The following LRRC4C variants were observed in gnomAD, a reference collection of about 807,000 sequenced individuals.
LRRC4C encodes the protein leucine-rich repeat-containing protein 4C.
A neutral mutation model predicts 33.6 loss-of-function variants in LRRC4C; 5 were observed. The observed-to-expected ratio is 0.15, with a 90% CI of 0.08 to 0.31. LRRC4C has a LOEUF of 0.31. Among genes scored for constraint, LRRC4C ranks in the 10% least tolerant of loss-of-function variants. The pLI, the probability that LRRC4C is intolerant of heterozygous loss-of-function variation, is 1.00. For missense variants in LRRC4C, 560 were observed against 796.7 expected, an observed-to-expected ratio of 0.70 and a Z score of 3.58; for synonymous variants, 329 against 302.0, an observed-to-expected ratio of 1.09 and a Z score of -0.93.
chr11:40,697,060 C>T (rs141060820), intron 2 of LRRC4C, among the ~76,000 whole-genome samples: 17 of 152,102 alleles, frequency 1.1e-4, no homozygotes, highest in Non-Finnish European at 1.2e-4. Flanking sequence ...TGTTTTAGCT[C>T]CTTTTCATTA....
chr11:40,288,903 A>G (rs1391878181), intron 4 of LRRC4C, among the ~76,000 whole-genome samples: 1 of 152,206 alleles, frequency 6.6e-6, no homozygotes, highest in Non-Finnish European at 1.5e-5. Context: ...AAAATGACAC[A>G]CTTAAAATAC....
chr11:40,740,614 G>A (rs1402536021), intron 2 of LRRC4C, among the ~76,000 whole-genome samples: 1 of 151,818 alleles, frequency 6.6e-6, no homozygotes, highest in African/African-American at 2.4e-5. Flanking sequence ...TATTTTCTTT[G>A]TTGTGCAGAA....
chr11:40,156,222 A>G (rs1233395559), intron 5 of LRRC4C, among the ~76,000 whole-genome samples: 1 of 152,208 alleles, frequency 6.6e-6, no homozygotes, highest in Non-Finnish European at 1.5e-5. Flanking sequence ...AAAGCCATCT[A>G]TGACAAACCC....
intron 1 of LRRC4C, among the ~76,000 whole-genome samples, chr11:41,274,909 T>G (rs1165111012): frequency 1.3e-5 from 2 of 152,108 alleles, no homozygotes; most frequent in African/African-American, 4.8e-5. Context: ...AAATCTCATG[T>G]GGAAATGTGA....
intron 3 of LRRC4C, among the ~76,000 whole-genome samples, chr11:40,481,638 C>T (rs75738005): frequency 0.11 from 16,998 of 151,900 alleles, 1,053 homozygotes; most frequent in East Asian, 0.15. Flanking sequence ...GGACCCCATA[C>T]AATACTGATT....
At chr11:40,627,365 G>A (rs535899116) in intron 3 of LRRC4C, among the ~76,000 whole-genome samples, 112 of 151,672 alleles carry the variant, frequency 7.4e-4, no homozygotes, top group African/African-American at 2.6e-3. Context: ...TATGATTTTC[G>A]GAGTTGGAAA....
intron 1 of LRRC4C, among the ~76,000 whole-genome samples, chr11:41,228,119 A>G (rs202175209): frequency 9.8e-6 from 1 of 102,192 alleles, no homozygotes; most frequent in Non-Finnish European, 2.0e-5. Flanking sequence ...CTGTCTGTCT[A>G]TCTATCACCT....
chr11:40,715,395 C>A (rs1946655105), intron 2 of LRRC4C, among the ~76,000 whole-genome samples: 1 of 152,082 alleles, frequency 6.6e-6, no homozygotes, highest in Non-Finnish European at 1.5e-5. Flanking sequence ...CAAATGAAAA[C>A]AAATGTTGGC....
chr11:41,315,115 T>A (rs1253296839), intron 1 of LRRC4C, among the ~76,000 whole-genome samples: 1 of 152,188 alleles, frequency 6.6e-6, no homozygotes, highest in African/African-American at 2.4e-5. Flanking sequence ...TGGAGCCAAA[T>A]TGTCCTGGAT....
chr11:40,985,855 A>C (rs60685938), intron 1 of LRRC4C, among the ~76,000 whole-genome samples: 1 of 152,002 alleles, frequency 6.6e-6, no homozygotes, highest in East Asian at 1.9e-4. Flanking sequence ...TCATTGTGTC[A>C]CTTAAATATT....
At chr11:40,645,029 T>G (rs1288715977) in intron 3 of LRRC4C, among the ~76,000 whole-genome samples, 1 of 152,102 alleles carries the variant, frequency 6.6e-6, no homozygotes, top group Non-Finnish European at 1.5e-5. Flanking sequence ...ATCAGCAATA[T>G]GACATCTACA....
chr11:40,343,281 A>T (rs1946956751), intron 3 of LRRC4C, among the ~76,000 whole-genome samples: 1 of 152,110 alleles, frequency 6.6e-6, no homozygotes, highest in South Asian at 2.1e-4. Flanking sequence ...TCAATAAGAG[A>T]CTGATTAAGC....
intron 3 of LRRC4C, among the ~76,000 whole-genome samples, chr11:40,647,914 T>G (rs957512914): frequency 1.3e-5 from 2 of 152,190 alleles, no homozygotes; most frequent in African/African-American, 4.8e-5. Flanking sequence ...AGGTGGCAAC[T>G]TTTTCCCCCT....
chr11:40,371,266 G>A (rs1159285114), intron 3 of LRRC4C, among the ~76,000 whole-genome samples: 1 of 151,652 alleles, frequency 6.6e-6, no homozygotes, highest in African/African-American at 2.4e-5. Context: ...ATTACAAATT[G>A]CAGTTTACTT....
intron 1 of LRRC4C, among the ~76,000 whole-genome samples, chr11:41,428,445 T>G (rs1955119482): frequency 6.6e-6 from 1 of 152,266 alleles, no homozygotes; most frequent in Non-Finnish European, 1.5e-5. Flanking sequence ...AAAACGTATT[T>G]TTTTTGTCAT....
intron 1 of LRRC4C, among the ~76,000 whole-genome samples, chr11:41,416,437 G>T (rs1954683211): frequency 1.3e-5 from 2 of 151,978 alleles, no homozygotes. Context: ...ACCAAGAAAG[G>T]AACATCAGGC....
intron 3 of LRRC4C, among the ~76,000 whole-genome samples, chr11:40,591,070 C>T (rs902624110): frequency 1.3e-5 from 2 of 152,282 alleles, no homozygotes; most frequent in South Asian, 2.1e-4. Context: ...GGCGCCCCTC[C>T]CCCAGCCTCG....
intron 3 of LRRC4C, among the ~76,000 whole-genome samples, chr11:40,344,926 C>T (rs182821885): frequency 2.6e-4 from 39 of 152,060 alleles, no homozygotes; most frequent in African/African-American, 8.9e-4. Flanking sequence ...GAATAAAATG[C>T]CTAGGAATAC....
intron 1 of LRRC4C, among the ~76,000 whole-genome samples, chr11:41,370,825 G>T (rs1229127919): frequency 6.6e-6 from 1 of 152,216 alleles, no homozygotes; most frequent in African/African-American, 2.4e-5. Flanking sequence ...ATAGGCATGA[G>T]CTACCACGCT....
Sources: gnomAD v4.1 joint callset for allele counts (sites outside exome capture counted in the v4.1 genomes callset) on GRCh38, gnomAD v4.1.1 for gene constraint, MANE v1.5 for transcripts, NCBI Gene and HGNC (gene_info 2026-07-23, HGNC 2026-07-21) for gene names.